Variants in GPR89A observed in about 807,000 individuals in gnomAD.
GPR89A encodes the protein golgi pH regulator A.
GPR89A carries 16 observed loss-of-function variants against 52.0 expected under a neutral mutation model. That is an observed-to-expected ratio of 0.31 (90% confidence interval 0.21 to 0.47). The LOEUF (loss-of-function observed/expected upper bound fraction) is 0.47, where lower values mean the gene tolerates loss of function less well. Ranked by LOEUF, GPR89A falls within the 20% of genes least tolerant of loss-of-function variation. The pLI, the probability that GPR89A is intolerant of heterozygous loss-of-function variation, is 1.00. For synonymous variants in GPR89A, 55 were observed against 150.9 expected (o/e 0.36, Z 4.66); for missense variants, 135 against 449.4 (o/e 0.30, Z 6.33).
At chr1:145,660,386 G>A (rs1652110881) in intron 10 of GPR89A, among the ~76,000 whole-genome samples, 2 of 152,110 alleles carry the variant, frequency 1.3e-5, no homozygotes, top group Non-Finnish European at 1.5e-5. Flanking sequence ...CAGAACATAG[G>A]CATGGGCAAG....
chr1:145,657,340 A>G (rs1397499040), intron 10 of GPR89A, among the ~76,000 whole-genome samples: 2 of 147,882 alleles, frequency 1.4e-5, no homozygotes, highest in Admixed American at 6.8e-5. Flanking sequence ...TCAGTGAGCT[A>G]TTATCACACC....
At chr1:145,620,646 C>T in intron 3 of GPR89A, among the ~76,000 whole-genome samples, 1 of 148,310 alleles carries the variant, frequency 6.7e-6, no homozygotes, top group East Asian at 2.0e-4. Flanking sequence ...AATGTTTCAC[C>T]CAATTATGGA....
chr1:145,655,670 C>T (rs1651761217), intron 10 of GPR89A, among the ~76,000 whole-genome samples: 1 of 152,166 alleles, frequency 6.6e-6, no homozygotes, highest in Non-Finnish European at 1.5e-5. Flanking sequence ...GCTGCTTGCT[C>T]CGTCCTCTGG....
Position 145,646,186 on chromosome 1 carries a change from C to A in GPR89A, c.730C>A (p.Leu244Ile). Residue 244 changes from leucine to isoleucine, a missense_variant and splice_region_variant, in exon 9 of 14, where the codon CTT becomes ATT. Coordinates refer to ENST00000313835, the MANE Select transcript of GPR89A (RefSeq NM_001097612.2). Reference protein sequence around the residue: ...VTTSASGSENLTLIQQEVDAL... With the variant: ...VTTSASGSENITLIQQEVDAL... The stretch of plus-strand genomic sequence containing the variant: ...CCTTGATGCCCATTCTGTGCCAGAT[C>A]TTACTCTTATTCAACAGGAAGTGGA... 1 of 1,612,592 alleles carries A rather than the reference C, an allele frequency of 6.2e-7. No individual in the cohort carries two copies. Among genetic ancestry groups the A allele is most frequent in the Admixed American group, 1.7e-5 (1 of 59,912 alleles).
chr1:145,611,951 T>C (rs1387764660), intron 1 of GPR89A, among the ~76,000 whole-genome samples: 1 of 152,098 alleles, frequency 6.6e-6, no homozygotes, highest in Non-Finnish European at 1.5e-5. Context: ...TCGTTTACCT[T>C]CATGTATATA....
intron 10 of GPR89A, among the ~76,000 whole-genome samples, chr1:145,648,451 G>A (rs1571521178): frequency 6.6e-6 from 1 of 150,626 alleles, no homozygotes; most frequent in African/African-American, 2.4e-5. Context: ...CTACTAAAAG[G>A]TATTTTCCTA....
At chr1:145,641,318 AC>A (rs1324849674) in intron 7 of GPR89A, among the ~76,000 whole-genome samples, 3 of 151,972 alleles carry the variant, frequency 2.0e-5, no homozygotes, top group African/African-American at 7.3e-5. Flanking sequence ...GAAATGGAGA[AC>A]AGATTCGTGG....
At chr1:145,620,334 T>A (rs1388559923) in intron 3 of GPR89A, among the ~76,000 whole-genome samples, 2 of 152,194 alleles carry the variant, frequency 1.3e-5, no homozygotes, top group African/African-American at 4.8e-5. Context: ...ACTTAATTTG[T>A]AAAAGCAGGT....
chr1:145,639,544 T>G (rs1194397645), intron 7 of GPR89A, among the ~76,000 whole-genome samples: 1 of 150,786 alleles, frequency 6.6e-6, no homozygotes, highest in Admixed American at 6.6e-5. Context: ...GTCAGGAGTT[T>G]GAGACCATCC....
intron 1 of GPR89A, among the ~76,000 whole-genome samples, chr1:145,609,686 A>G (rs1553685776): frequency 1.3e-5 from 2 of 152,234 alleles, no homozygotes; most frequent in East Asian, 1.9e-4. Context: ...TAGCATGGAT[A>G]TAATTGATAC....
chr1:145,647,059 A>G (rs1553692677), intron 9 of GPR89A, 116 bp from the exon 10 acceptor site: 5 of 1,483,096 alleles, frequency 3.4e-6, no homozygotes, highest in African/African-American at 1.4e-5. Context: ...TAATATTATT[A>G]CAATGTATGG....
chr1:145,612,642 C>G (rs1648381588), intron 1 of GPR89A, among the ~76,000 whole-genome samples: 1 of 152,024 alleles, frequency 6.6e-6, no homozygotes, highest in African/African-American at 2.4e-5. Context: ...ATGCTAAGTA[C>G]TACTTAGAGA....
At position 145,646,173 on chromosome 1, in the gene GPR89A, T is replaced by G; in HGVS notation, c.728-11T>G. On this transcript the variant is annotated splice_polypyrimidine_tract_variant and intron_variant, in intron 8 of 13. Transcript: ENST00000313835. ...TATGTGATTAAAACCTTGATGCCCA[T>G]TCTGTGCCAGATCTTACTCTTATTC... The G allele has an allele frequency of 6.2e-7, 1 of 1,613,284 alleles. No individual in the cohort carries two copies. The highest frequency in any genetic ancestry group is 8.5e-7 in the Non-Finnish European group (1 of 1,179,292).
intron 5 of GPR89A, among the ~76,000 whole-genome samples, chr1:145,625,452 A>T: frequency 7.5e-6 from 1 of 134,204 alleles, no homozygotes; most frequent in South Asian, 2.6e-4. Flanking sequence ...TGATCCTCCT[A>T]CCTCAGCCTC....
At chr1:145,646,078 G>C in intron 8 of GPR89A, 106 bp from the exon 9 acceptor site, 1 of 1,555,894 alleles carries the variant, frequency 6.4e-7, no homozygotes, top group Non-Finnish European at 8.9e-7. Context: ...TGAGAATATA[G>C]GCAACTCCGG....
intron 11 of GPR89A, among the ~76,000 whole-genome samples, chr1:145,665,263 G>T (rs1167879038): frequency 1.3e-4 from 19 of 151,680 alleles, no homozygotes; most frequent in African/African-American, 4.1e-4. Context: ...TGGGAGTATT[G>T]CTTGAGCCCA....
At chr1:145,619,611 G>A (rs1648975833) in intron 3 of GPR89A, among the ~76,000 whole-genome samples, 1 of 151,882 alleles carries the variant, frequency 6.6e-6, no homozygotes, top group South Asian at 2.1e-4. Flanking sequence ...AAAAAAGAGT[G>A]AGAGAGAGAG....
chr1:145,657,275 C>T (rs1473666794), intron 10 of GPR89A, among the ~76,000 whole-genome samples: 2 of 148,216 alleles, frequency 1.3e-5, no homozygotes, highest in Non-Finnish European at 3.0e-5. Flanking sequence ...CCTGTGTTCC[C>T]AGCTACTCAG....
chr1:145,612,885 G>A (rs1313920619), intron 1 of GPR89A, among the ~76,000 whole-genome samples: 1 of 151,170 alleles, frequency 6.6e-6, no homozygotes, highest in Non-Finnish European at 1.5e-5. Context: ...TGCATTTACT[G>A]TCCCCACTGC....
Sources: gnomAD v4.1 joint callset for allele counts (sites outside exome capture counted in the v4.1 genomes callset) on GRCh38, gnomAD v4.1.1 for gene constraint, MANE v1.5 for transcripts, NCBI Gene and HGNC (gene_info 2026-07-23, HGNC 2026-07-21) for gene names.